DNAJA3: variants seen among roughly 807,000 people sequenced by gnomAD.
DNAJA3 encodes the protein DnaJ heat shock protein family (Hsp40) member A3.
DNAJA3 carries 29 observed loss-of-function variants against 54.9 expected under a neutral mutation model. The ratio of observed to expected loss-of-function variants is 0.53; its 90% CI spans 0.39 to 0.72. The LOEUF (loss-of-function observed/expected upper bound fraction) is 0.72. Ranked by LOEUF, DNAJA3 falls within the 30% of genes least tolerant of loss-of-function variation. The pLI is 0.00. For synonymous variants in DNAJA3, 302 were observed against 251.4 expected (o/e 1.20, Z -1.90); for missense variants, 708 against 639.4 (o/e 1.11, Z -1.16).
intron 1 of DNAJA3, 171 bp from the exon 2 acceptor site, chr16:4,434,213 C>G: frequency 1.5e-6 from 1 of 666,310 alleles, no homozygotes; most frequent in Non-Finnish European, 2.5e-6. Flanking sequence ...CCTCCCATGA[C>G]ACGTGGGGAT....
chr16:4,436,818 G>T (rs899000304), intron 2 of DNAJA3, among the ~76,000 whole-genome samples: 1 of 152,208 alleles, frequency 6.6e-6, no homozygotes, highest in South Asian at 2.1e-4. Flanking sequence ...TAACAGGCAT[G>T]AGCCACTGCG....
intron 1 of DNAJA3, among the ~76,000 whole-genome samples, chr16:4,429,548 A>T (rs1222212115): frequency 6.6e-6 from 1 of 152,032 alleles, no homozygotes; most frequent in Non-Finnish European, 1.5e-5. Flanking sequence ...AAATTAGCTG[A>T]CTGTGGCCGG....
In DNAJA3 at chr16:4,425,958, G is replaced by C; in HGVS notation, c.77G>C (p.Gly26Ala). Residue 26 changes from glycine (G) to alanine (A), a missense_variant, in exon 1 of 12, where the codon GGG (glycine) becomes GCG (alanine). By Grantham distance (60) the Gly-to-Ala change is moderately conservative. Transcript: ENST00000262375. ...TPRLPAISGR[G>A]ARPPREGVVG... ...CGGCTGCCGGCTATATCGGGTAGAG[G>C]GGCCCGGCCGCCCAGGGAGGGCGTG... The C allele has an allele frequency of 6.4e-7, 1 of 1,574,286 alleles. No homozygotes were observed. Among genetic ancestry groups the C allele is most frequent in the South Asian group, 1.2e-5 (1 of 86,476 alleles).
chr16:4,426,850 T>G (rs1038832651), intron 1 of DNAJA3: 2 of 152,224 alleles, frequency 1.3e-5, no homozygotes, highest in Admixed American at 1.3e-4. Flanking sequence ...AGGCTTGATA[T>G]CATTGCCTGA....
chr16:4,432,746 G>A (rs1272945845), intron 1 of DNAJA3, among the ~76,000 whole-genome samples: 1 of 152,152 alleles, frequency 6.6e-6, no homozygotes, highest in Non-Finnish European at 1.5e-5. Context: ...TGAGGCAGGA[G>A]AGTCGCTTGA....
rs762099153 is a variant in DNAJA3 at position 4,443,026 on chromosome 16, A to C, written c.793A>C (p.Asn265His). 6.2e-7 allele frequency: 1 copy of C among 1,613,332 alleles called. No homozygotes were observed. The highest frequency in any genetic ancestry group is 2.2e-5 in the East Asian group (1 of 44,876). Reference sequence around the variant, plus strand: ...TTCTTGTTTTTATCAGGAAACCATCAACACAGGCCCTTTTGTGATGCGTTC... The same window carrying C: ...TTCTTGTTTTTATCAGGAAACCATCCACACAGGCCCTTTTGTGATGCGTTC... ...YCGGSGMETI[N>H]TGPFVMRSTC... Residue 265 changes from asparagine (N) to histidine (H), a missense_variant, in exon 6 of 12, where the codon AAC (asparagine) becomes CAC (histidine). Coordinates refer to ENST00000262375, the MANE Select transcript of DNAJA3 (RefSeq NM_005147.6).
intron 1 of DNAJA3, among the ~76,000 whole-genome samples, chr16:4,428,114 G>C (rs1752445289): frequency 6.6e-6 from 1 of 151,936 alleles, no homozygotes; most frequent in Admixed American, 6.6e-5. Flanking sequence ...ACCACGCCCA[G>C]CTAATTTTTT....
intron 7 of DNAJA3, among the ~76,000 whole-genome samples, chr16:4,445,024 A>G (rs1259373667): frequency 6.6e-6 from 1 of 152,198 alleles, no homozygotes; most frequent in African/African-American, 2.4e-5. Flanking sequence ...TGAGGCAGTG[A>G]GTGTGAAAGT....
intron 10 of DNAJA3, among the ~76,000 whole-genome samples, chr16:4,452,745 CA>C (rs879821506): frequency 2.0e-5 from 3 of 152,134 alleles, no homozygotes; most frequent in African/African-American, 4.8e-5. Context: ...TCTGTCTCTA[CA>C]AAAAATTTCA....
intron 9 of DNAJA3, 65 bp from the exon 10 acceptor site, chr16:4,450,335 G>A: frequency 7.3e-7 from 1 of 1,378,084 alleles, no homozygotes; most frequent in South Asian, 1.3e-5. Flanking sequence ...GGTGCTGGCT[G>A]CCTGTGAGTT....
At chr16:4,426,122 G>C (rs1488001968) in intron 1 of DNAJA3, 30 bp downstream of exon 1, 9 of 1,527,060 alleles carry the variant, frequency 5.9e-6, no homozygotes, top group South Asian at 1.3e-5. Context: ...TCCGAGTGGC[G>C]GTTTCAGGGC....
chr16:4,454,818 C>T lies in DNAJA3; in HGVS notation c.1347C>T (p.Ser449=). Residue 449 remains serine (S), a synonymous_variant, in exon 11 of 12, where the codon AGC becomes AGT. Coordinates refer to ENST00000262375, the MANE Select transcript of DNAJA3 (RefSeq NM_005147.6). ...NGVTLTSSGG[S]TMDSSAGSKA... is the part of the protein sequence containing the mutation. ...TCTGCTGTTTGTGCCCAGGTGGCAG[C>T]ACCATGGATAGCTCCGCAGGAAGCA... 6.2e-7 allele frequency: 1 copy of T among 1,613,020 alleles called. No homozygotes were observed. The highest frequency in any genetic ancestry group is 8.5e-7 in the Non-Finnish European group (1 of 1,179,200).
rs199758268 is a variant in DNAJA3 at position 4,441,633 on chromosome 16, A to AT, written c.630+65dup. Reference sequence around the variant, plus strand: ...TTTAGACTAAGTATGGGTCAAACAAATTTTTTTATCAGTTTCTGTTTCTCA... The same window carrying AT: ...TTTAGACTAAGTATGGGTCAAACAAATTTTTTTTATCAGTTTCTGTTTCTCA... On this transcript the variant is annotated intron_variant, in intron 4 of 11. Coordinates refer to ENST00000262375, the MANE Select transcript of DNAJA3 (RefSeq NM_005147.6). 5,080 of 1,562,022 alleles carry AT rather than the reference A, an allele frequency of 3.3e-3. 109 individuals are homozygous for AT. The African/African-American group carries it at 0.054, about 16-fold the overall frequency.
At position 4,425,950 on chromosome 16, in the gene DNAJA3, G is replaced by T. The variant is rs1340442425; in HGVS notation, c.69G>T (p.Ser23=). 2 of 1,569,054 alleles carry T rather than the reference G, an allele frequency of 1.3e-6. No homozygotes were observed. Among genetic ancestry groups the T allele is most frequent in the Non-Finnish European group, 8.6e-7 (1 of 1,159,054 alleles). The change falls in exon 1 of 12, where the codon TCG becomes TCT. Residue 23 remains serine, a synonymous_variant. Transcript: ENST00000262375. ...VVGTPRLPAI[S]GRGARPPREG... is the part of the protein sequence containing the mutation. ...GGACCCCGCGGCTGCCGGCTATATC[G>T]GGTAGAGGGGCCCGGCCGCCCAGGG... is the stretch of plus-strand genomic sequence containing the variant.
In DNAJA3 at chr16:4,455,438, G is replaced by A. The variant is rs112143780; in HGVS notation, c.*14-108G>A. On this transcript the variant is annotated intron_variant, in intron 11 of 11. Coordinates refer to ENST00000262375, the MANE Select transcript of DNAJA3 (RefSeq NM_005147.6). ...GCTCATCTCAGCAAGTGGGGTTCTC[G>A]CCCCTCTCTTGGCACAGCTGCTTTC... 25 of 1,347,436 alleles carry A rather than the reference G, an allele frequency of 1.9e-5. 1 individual carries two copies. Among genetic ancestry groups the A allele is most frequent in the African/African-American group, 8.7e-5 (6 of 68,606 alleles). 83.5% of individuals were successfully genotyped at this position (1,347,436 alleles called of 1,614,324 possible).
chr16:4,437,251 G>A (rs554076982), intron 2 of DNAJA3, 151 bp from the exon 3 acceptor site: 7 of 672,698 alleles, frequency 1.0e-5, no homozygotes, highest in Admixed American at 5.0e-5. Context: ...GATTACAGGC[G>A]TGAGCCACTG....
chr16:4,444,750 G>A, intron 7 of DNAJA3, 22 bp downstream of exon 7: 1 of 1,609,796 alleles, frequency 6.2e-7, no homozygotes, highest in Non-Finnish European at 8.5e-7. Context: ...GCCCCGCACA[G>A]CTTCTGTTGG....
intron 1 of DNAJA3, among the ~76,000 whole-genome samples, 154 bp downstream of exon 1, chr16:4,426,246 G>A (rs1169740981): frequency 6.6e-6 from 1 of 152,214 alleles, no homozygotes; most frequent in African/African-American, 2.4e-5. Flanking sequence ...AGGAGGCGGG[G>A]AGGCCCCAGT....
intron 9 of DNAJA3, among the ~76,000 whole-genome samples, chr16:4,449,061 A>G (rs1375404188): frequency 6.6e-6 from 1 of 152,150 alleles, no homozygotes; most frequent in Non-Finnish European, 1.5e-5. Context: ...CAGTGGCGCC[A>G]TCTCGGCTCA....
Sources: allele counts gnomAD v4.1 joint callset (sites outside exome capture counted in the v4.1 genomes callset), GRCh38; gene constraint gnomAD v4.1.1; transcripts MANE v1.5; gene names NCBI Gene and HGNC (gene_info 2026-07-23, HGNC 2026-07-21).